The following TRAPPC9 variants were observed in gnomAD, a reference collection of about 807,000 sequenced individuals.
TRAPPC9 encodes the protein trafficking protein particle complex subunit 9, also known as IKK2 binding protein.
Under a neutral mutation model 124.0 loss-of-function variants are expected in TRAPPC9, and 83 were observed. The ratio of observed to expected loss-of-function variants is 0.67; its 90% confidence interval spans 0.56 to 0.80. The LOEUF (loss-of-function observed/expected upper bound fraction) is 0.80, where lower values mean the gene tolerates loss of function less well. Among genes scored for constraint, TRAPPC9 ranks in the 30% least tolerant of loss-of-function variants. The probability of loss-of-function intolerance (pLI) is 0.00; values close to 1 mark genes in which losing one functional copy is unlikely to be tolerated. For synonymous variants in TRAPPC9, 638 were observed against 617.5 expected, an observed-to-expected ratio of 1.03 and a Z score of -0.49; for missense variants, 1,302 against 1,508.3, an observed-to-expected ratio of 0.86 and a Z score of 2.27.
At chr8:140,086,995 T>C (rs914975691) in intron 17 of TRAPPC9, among the ~76,000 whole-genome samples, 4 of 151,926 alleles carry the variant, frequency 2.6e-5, no homozygotes, top group Admixed American at 6.6e-5. Context: ...CCTGTTTCCC[T>C]GTTCTCTACA....
chr8:139,813,683 G>A (rs547210847), intron 21 of TRAPPC9, among the ~76,000 whole-genome samples: 128 of 152,232 alleles, frequency 8.4e-4, no homozygotes, highest in Non-Finnish European at 1.7e-3. Context: ...TGGTGCCCAG[G>A]TCAGCAAGGC....
intron 5 of TRAPPC9, among the ~76,000 whole-genome samples, chr8:140,420,990 G>A (rs868605271): frequency 3.9e-5 from 6 of 152,116 alleles, no homozygotes; most frequent in South Asian, 2.1e-4. Flanking sequence ...AATTCCTAGC[G>A]TTTTGGGAGG....
At chr8:139,756,099 G>T (rs1440648461) in intron 21 of TRAPPC9, among the ~76,000 whole-genome samples, 174 of 87,720 alleles carry the variant, frequency 2.0e-3, no homozygotes, top group African/African-American at 5.5e-3. Flanking sequence ...GAGGACAGCA[G>T]GTCACAGGAG....
Position 140,023,946 on chromosome 8 carries a change from G to T in TRAPPC9, c.2690C>A (p.Pro897Gln), listed in dbSNP as rs761499632. ...SVFFTRVSTL[P>Q]ATSTRQCHLL... ...GCAGGAAGACATTTACCTGGTTGCT[G>T]GGAGGGTGCTGACTCGGGTGAAAAA... The change falls in exon 18 of 23, where the codon CCA becomes CAA. Residue 897 changes from proline (P) to glutamine (Q), a missense_variant. Coordinates refer to ENST00000438773, the MANE Select transcript of TRAPPC9 (RefSeq NM_001160372.4). 1.9e-6 allele frequency: 3 copies of T among 1,614,020 alleles called. No homozygotes were observed. Among genetic ancestry groups the T allele is most frequent in the Non-Finnish European group, 2.5e-6 (3 of 1,179,930 alleles).
intron 15 of TRAPPC9, among the ~76,000 whole-genome samples, chr8:140,272,307 T>C (rs1326286854): frequency 1.3e-5 from 2 of 149,070 alleles, no homozygotes; most frequent in Non-Finnish European, 3.0e-5. Flanking sequence ...ACAGTGGTGG[T>C]TGTGGTGGTT....
At chr8:139,779,789 A>C (rs1454769870) in intron 21 of TRAPPC9, among the ~76,000 whole-genome samples, 1 of 152,176 alleles carries the variant, frequency 6.6e-6, no homozygotes, top group Non-Finnish European at 1.5e-5. Flanking sequence ...ATTGACAAAA[A>C]AAACCCTCCT....
intron 21 of TRAPPC9, among the ~76,000 whole-genome samples, chr8:139,836,240 C>T (rs901916557): frequency 6.6e-6 from 1 of 152,178 alleles, no homozygotes; most frequent in African/African-American, 2.4e-5. Context: ...AATTCCTGAC[C>T]TCAGGTGATC....
chr8:140,005,032 G>T (rs1302441629), intron 18 of TRAPPC9, among the ~76,000 whole-genome samples: 1 of 152,154 alleles, frequency 6.6e-6, no homozygotes, highest in African/African-American at 2.4e-5. Flanking sequence ...AAGAAAGCCA[G>T]GGAACCTAAT....
chr8:140,352,369 C>T (rs1316751725), intron 9 of TRAPPC9, among the ~76,000 whole-genome samples: 2 of 152,194 alleles, frequency 1.3e-5, no homozygotes, highest in Non-Finnish European at 2.9e-5. Flanking sequence ...CACTGCATAG[C>T]GACAGTTGTT....
At chr8:139,936,511 C>A (rs752876314) in intron 19 of TRAPPC9, among the ~76,000 whole-genome samples, 4 of 152,200 alleles carry the variant, frequency 2.6e-5, no homozygotes, top group African/African-American at 9.7e-5. Flanking sequence ...GGAAGTCACT[C>A]GGCTTAGAGC....
At chr8:140,079,704 C>T (rs1330639636) in intron 17 of TRAPPC9, among the ~76,000 whole-genome samples, 2 of 152,208 alleles carry the variant, frequency 1.3e-5, no homozygotes, top group African/African-American at 2.4e-5. Context: ...GCCAAGAGGG[C>T]GGATTGCTTG....
intron 21 of TRAPPC9, among the ~76,000 whole-genome samples, chr8:139,809,510 G>C (rs930673239): frequency 1.3e-5 from 2 of 152,222 alleles, no homozygotes; most frequent in African/African-American, 2.4e-5. Context: ...CACTGAAGCA[G>C]GGGGCCTGGG....
At chr8:139,741,866 A>G (rs780784819) in intron 21 of TRAPPC9, among the ~76,000 whole-genome samples, 1 of 152,106 alleles carries the variant, frequency 6.6e-6, no homozygotes, top group Non-Finnish European at 1.5e-5. Flanking sequence ...GTTCTTTCTC[A>G]TGGCGGGACA....
intron 17 of TRAPPC9, among the ~76,000 whole-genome samples, chr8:140,159,563 T>C (rs536232886): frequency 1.7e-4 from 26 of 152,326 alleles, no homozygotes; most frequent in East Asian, 5.8e-4. Context: ...TAAAGCAATA[T>C]TTCATAGATA....
chr8:140,029,191 G>T (rs1840343904), intron 17 of TRAPPC9, among the ~76,000 whole-genome samples: 1 of 152,178 alleles, frequency 6.6e-6, no homozygotes, highest in African/African-American at 2.4e-5. Context: ...CATGCCAATT[G>T]AAGACAAATC....
chr8:139,990,463 T>C (rs1009222855), intron 18 of TRAPPC9, among the ~76,000 whole-genome samples: 4 of 152,160 alleles, frequency 2.6e-5, no homozygotes, highest in Admixed American at 2.0e-4. Context: ...ATATACACTC[T>C]CATACACATG....
intron 19 of TRAPPC9, among the ~76,000 whole-genome samples, chr8:139,920,088 G>A (rs1240395610): frequency 1.3e-5 from 2 of 152,232 alleles, no homozygotes; most frequent in Non-Finnish European, 1.5e-5. Flanking sequence ...GCTCACGCCT[G>A]TAATCCCAGC....
chr8:139,979,815 C>T (rs1210052688), intron 19 of TRAPPC9, among the ~76,000 whole-genome samples: 1 of 152,164 alleles, frequency 6.6e-6, no homozygotes, highest in East Asian at 1.9e-4. Context: ...GGACCCAGGA[C>T]AGAGCTGGCC....
intron 1 of TRAPPC9, chr8:140,456,863 C>G (rs560467792): frequency 1.0e-6 from 1 of 985,046 alleles, no homozygotes; most frequent in East Asian, 1.1e-4. Flanking sequence ...TGAAGACAGA[C>G]AACGCATCCT....
Sources: gnomAD v4.1 joint callset for allele counts (sites outside exome capture counted in the v4.1 genomes callset) on GRCh38, gnomAD v4.1.1 for gene constraint, MANE v1.5 for transcripts, NCBI Gene and HGNC (gene_info 2026-07-23, HGNC 2026-07-21) for gene names.